Variants in LSAMP observed in about 807,000 individuals in gnomAD.
LSAMP encodes limbic system-associated membrane protein.
A neutral mutation model predicts 38.6 loss-of-function variants in LSAMP; 7 were observed. That is an observed-to-expected ratio of 0.18 (90% CI 0.10 to 0.34). LSAMP has a LOEUF of 0.34. Among genes scored for constraint, LSAMP ranks in the 10% least tolerant of loss-of-function variants. The pLI, the probability that LSAMP is intolerant of heterozygous loss-of-function variation, is 1.00. For missense variants in LSAMP, 313 were observed against 420.0 expected (o/e 0.75, Z 2.23); for synonymous variants, 154 against 166.8 (o/e 0.92, Z 0.59).
intron 3 of LSAMP, among the ~76,000 whole-genome samples, chr3:115,939,570 T>TTCTTTCTTTCTTTCTTTCTTTCTTTC (rs1553751076): frequency 0.028 from 3,763 of 136,824 alleles, 142 homozygotes; most frequent in East Asian, 0.036. Flanking sequence ...CTTTCTTTCT[T>TTCTTTCTTTCTTTCTTTCTTTCTTTC]TCTTTCTTTC....
At chr3:116,371,494 A>T (rs1244973182) in intron 1 of LSAMP, among the ~76,000 whole-genome samples, 1 of 152,102 alleles carries the variant, frequency 6.6e-6, no homozygotes, top group Non-Finnish European at 1.5e-5. Context: ...ATCCTTTTAC[A>T]ACAAAAACAA....
At chr3:115,965,093 T>C (rs1938754649) in intron 3 of LSAMP, among the ~76,000 whole-genome samples, 1 of 151,988 alleles carries the variant, frequency 6.6e-6, no homozygotes, top group East Asian at 1.9e-4. Context: ...AAAAATACGA[T>C]ATGAGAGAGG....
At chr3:116,114,332 CTGTGGAACAA>C (rs1008147537) in intron 1 of LSAMP, among the ~76,000 whole-genome samples, 11 of 152,190 alleles carry the variant, frequency 7.2e-5, no homozygotes, top group African/African-American at 2.7e-4. Flanking sequence ...CTAGCTTACC[CTGTGGAACAA>C]TGGGCTGGGA....
At chr3:115,820,790 GT>G (rs1934204076) in intron 6 of LSAMP, among the ~76,000 whole-genome samples, 1 of 152,142 alleles carries the variant, frequency 6.6e-6, no homozygotes, top group African/African-American at 2.4e-5. Context: ...TACCTCAAGT[GT>G]TACCCTAGAT....
intron 3 of LSAMP, among the ~76,000 whole-genome samples, chr3:115,966,579 T>A (rs558928936): frequency 4.6e-5 from 7 of 152,244 alleles, no homozygotes; most frequent in Admixed American, 2.0e-4. Context: ...ACAAAAAAAA[T>A]GTTCATAACA....
intron 2 of LSAMP, among the ~76,000 whole-genome samples, chr3:116,035,699 T>C (rs1019520639): frequency 6.6e-6 from 1 of 152,222 alleles, no homozygotes; most frequent in Admixed American, 6.5e-5. Context: ...CCAGCGACCA[T>C]GGACCTCACC....
At chr3:116,090,570 A>T (rs1380320844) in intron 1 of LSAMP, among the ~76,000 whole-genome samples, 1 of 152,178 alleles carries the variant, frequency 6.6e-6, no homozygotes, top group Admixed American at 6.5e-5. Context: ...CTTTATACTT[A>T]ATGATTTTGT....
chr3:116,128,544 A>G lies in LSAMP; in HGVS notation c.156-41988T>C, dbSNP rs16824456. On this transcript the variant is annotated intron_variant, in intron 1 of 6. Coordinates refer to ENST00000490035, the MANE Select transcript of LSAMP (RefSeq NM_002338.5). ...AATTGTCTTGGTAATGGCTCCCATA[A>G]TTGCATTGTGGTATGCATCACATGA... Among the ~76,000 whole-genome samples the G allele has an allele frequency of 4.4e-3, 664 of 152,304 alleles. 5 individuals carry two copies. The highest frequency in any genetic ancestry group is 0.015 in the African/African-American group (621 of 41,562).
chr3:115,840,149 C>T (rs1382396850), intron 6 of LSAMP, among the ~76,000 whole-genome samples: 2 of 152,096 alleles, frequency 1.3e-5, no homozygotes, highest in Admixed American at 1.3e-4. Flanking sequence ...AGTTCTTAGT[C>T]TAGGTTAAAT....
Position 115,858,613 on chromosome 3 carries a change from G to T in LSAMP, c.515-5996C>A, listed in dbSNP as rs911264849. Among the ~76,000 whole-genome samples, 6 of 151,996 alleles carry T rather than the reference G, an allele frequency of 3.9e-5. No individual in the cohort carries two copies. The East Asian group carries it at 1.2e-3, about 29-fold the overall frequency. ...GTTGCTATTCCTTTTACTCACCTACGTTTGAATATTTACATGCAAGTGGCT... is the reference window on the plus strand; with the variant it reads ...GTTGCTATTCCTTTTACTCACCTACTTTTGAATATTTACATGCAAGTGGCT... On this transcript the variant is annotated intron_variant, in intron 3 of 6. Coordinates refer to ENST00000490035, the MANE Select transcript of LSAMP (RefSeq NM_002338.5).
intron 2 of LSAMP, among the ~76,000 whole-genome samples, chr3:116,048,779 T>A (rs980566685): frequency 4.6e-5 from 7 of 152,188 alleles, no homozygotes; most frequent in African/African-American, 1.7e-4. Context: ...ATATAACTCA[T>A]CCTAGTCACA....
At chr3:115,891,782 C>T (rs1453884183) in intron 3 of LSAMP, among the ~76,000 whole-genome samples, 1 of 151,926 alleles carries the variant, frequency 6.6e-6, no homozygotes, top group Non-Finnish European at 1.5e-5. Context: ...TGCCTCCCAC[C>T]ATCCCTCTTC....
chr3:116,306,112 T>C (rs2047482498), intron 1 of LSAMP, among the ~76,000 whole-genome samples: 1 of 152,020 alleles, frequency 6.6e-6, no homozygotes, highest in African/African-American at 2.4e-5. Context: ...TGCTAGACCC[T>C]AAAGAAAGAA....
At chr3:116,432,396 A>C (rs2049292939) in intron 1 of LSAMP, among the ~76,000 whole-genome samples, 1 of 151,810 alleles carries the variant, frequency 6.6e-6, no homozygotes, top group African/African-American at 2.4e-5. Context: ...TATATAGATT[A>C]AATATATTCA....
intron 1 of LSAMP, among the ~76,000 whole-genome samples, chr3:116,412,529 T>A (rs1038486378): frequency 2.6e-5 from 4 of 152,036 alleles, no homozygotes; most frequent in South Asian, 2.1e-4. Context: ...AATGAGAAAA[T>A]AAGCCATCTA....
intron 3 of LSAMP, among the ~76,000 whole-genome samples, chr3:115,977,686 A>G (rs1422478185): frequency 1.3e-5 from 2 of 151,030 alleles, no homozygotes. Context: ...GCTGGGTATA[A>G]CATTTATTAA....
At chr3:116,248,277 T>C (rs1007503676) in intron 1 of LSAMP, among the ~76,000 whole-genome samples, 1 of 152,072 alleles carries the variant, frequency 6.6e-6, no homozygotes, top group Non-Finnish European at 1.5e-5. Flanking sequence ...CCTTGAAGGA[T>C]GAGTAGGATT....
chr3:116,230,757 T>C (rs145475175), intron 1 of LSAMP, among the ~76,000 whole-genome samples: 1 of 152,290 alleles, frequency 6.6e-6, no homozygotes, highest in East Asian at 1.9e-4. Flanking sequence ...ACAGTACTAG[T>C]AATTAATGCC....
intron 1 of LSAMP, among the ~76,000 whole-genome samples, chr3:116,262,023 T>C (rs1013810985): frequency 7.2e-5 from 11 of 152,020 alleles, no homozygotes; most frequent in Non-Finnish European, 1.0e-4. Flanking sequence ...GAATAATTTA[T>C]GTAATAATTA....
Sources: gnomAD v4.1 joint callset for allele counts (sites outside exome capture counted in the v4.1 genomes callset) on GRCh38, gnomAD v4.1.1 for gene constraint, MANE v1.5 for transcripts, NCBI Gene and HGNC (gene_info 2026-07-23, HGNC 2026-07-21) for gene names.